Variants in BBS9 observed in about 807,000 individuals in gnomAD.
BBS9 encodes the protein protein PTHB1.
In BBS9, 89 loss-of-function variants were observed where a neutral mutation model predicts 117.7. The observed-to-expected ratio is 0.76, with a 90% CI of 0.64 to 0.90. The LOEUF (loss-of-function observed/expected upper bound fraction) is 0.90. Among genes scored for constraint, BBS9 ranks in the 40% least tolerant of loss-of-function variants. The probability of loss-of-function intolerance (pLI) is 0.00; values close to 1 mark genes in which losing one functional copy is unlikely to be tolerated. For missense variants in BBS9, 982 were observed against 1,042.2 expected (o/e 0.94, Z 0.80); for synonymous variants, 379 against 370.9 (o/e 1.02, Z -0.25).
At chr7:33,532,717 G>A (rs1850776171) in intron 20 of BBS9, among the ~76,000 whole-genome samples, 1 of 152,144 alleles carries the variant, frequency 6.6e-6, no homozygotes, top group Admixed American at 6.5e-5. Flanking sequence ...CATAGTTGAA[G>A]CTTGGGAGTA....
intron 20 of BBS9, among the ~76,000 whole-genome samples, chr7:33,531,734 G>T (rs996353529): frequency 1.8e-4 from 28 of 152,156 alleles, no homozygotes; most frequent in Non-Finnish European, 3.4e-4. Flanking sequence ...GGGCCAATGG[G>T]GTAGACTTTG....
At position 33,542,999 on chromosome 7, in the gene BBS9, A is replaced by G. The variant is rs556427279; in HGVS notation, c.2521+8823A>G. Among the ~76,000 whole-genome samples the G allele has an allele frequency of 4.6e-5, 7 of 152,274 alleles. No homozygotes were observed. The East Asian group carries it at 1.2e-3, about 25-fold the overall frequency. ...CCCAGTAGTGGGATTGCTGGATCAA[A>G]TGGTAGTTCTACTTTTAGTTTTTTA... On this transcript the variant is annotated intron_variant, in intron 21 of 22. Transcript: ENST00000242067.
chr7:33,445,875 C>G (rs1836916201), intron 19 of BBS9, among the ~76,000 whole-genome samples: 1 of 152,152 alleles, frequency 6.6e-6, no homozygotes, highest in Non-Finnish European at 1.5e-5. Flanking sequence ...TTTTGCTTCC[C>G]TTTCACCTTC....
intron 5 of BBS9, among the ~76,000 whole-genome samples, chr7:33,219,893 G>A (rs985601657): frequency 1.3e-5 from 2 of 152,066 alleles, no homozygotes; most frequent in African/African-American, 4.8e-5. Context: ...CACTCTTTGG[G>A]TCCACACTGC....
chr7:33,343,541 C>T (rs1345737149), intron 11 of BBS9, among the ~76,000 whole-genome samples: 1 of 152,150 alleles, frequency 6.6e-6, no homozygotes, highest in East Asian at 1.9e-4. Context: ...CTCTTTCACC[C>T]AGGCTGGAGT....
At chr7:33,414,068 C>A (rs1337144094) in intron 19 of BBS9, among the ~76,000 whole-genome samples, 2 of 151,956 alleles carry the variant, frequency 1.3e-5, no homozygotes, top group East Asian at 1.9e-4. Context: ...AAACAAAAAA[C>A]CAAAAACCAA....
intron 9 of BBS9, among the ~76,000 whole-genome samples, chr7:33,285,045 C>T (rs1401374100): frequency 1.3e-5 from 2 of 152,134 alleles, no homozygotes; most frequent in Non-Finnish European, 2.9e-5. Flanking sequence ...TTATTAATCT[C>T]TGTTCTTTAC....
chr7:33,574,557 T>C (rs1858384161), intron 21 of BBS9, among the ~76,000 whole-genome samples: 1 of 151,976 alleles, frequency 6.6e-6, no homozygotes, highest in Non-Finnish European at 1.5e-5. Context: ...CTCCCTGATG[T>C]CTTTTATTTT....
At position 33,518,538 on chromosome 7, in the gene BBS9, C is replaced by T. The variant is rs554277506; in HGVS notation, c.2298+12893C>T. ...TGCTGGGATTACAGGCGTGAGCCAC[C>T]GCGCCCGGCCTATATTCTTATATTA... On this transcript the variant is annotated intron_variant, in intron 20 of 22. Coordinates refer to ENST00000242067, the MANE Select transcript of BBS9 (RefSeq NM_198428.3). 1.2e-3 allele frequency among the ~76,000 whole-genome samples: 185 copies of T among 152,126 alleles called. 2 individuals carry two copies. The highest frequency in any genetic ancestry group is 4.2e-3 in the African/African-American group (175 of 41,476).
intron 5 of BBS9, among the ~76,000 whole-genome samples, chr7:33,201,345 T>C (rs1263077976): frequency 1.3e-5 from 2 of 152,156 alleles, no homozygotes; most frequent in Non-Finnish European, 2.9e-5. Flanking sequence ...GGTATCTGTT[T>C]ATTTCCATAG....
rs569003952 is a variant in BBS9 at position 33,566,071 on chromosome 7, C to T, written c.2521+31895C>T. 9.3e-5 allele frequency among the ~76,000 whole-genome samples: 14 copies of T among 150,960 alleles called. No homozygotes were observed. In the South Asian group the frequency reaches 2.7e-3, roughly 29 times the overall value. On this transcript the variant is annotated intron_variant, in intron 21 of 22. Transcript: ENST00000242067. The stretch of plus-strand genomic sequence containing the variant: ...ACAAATGTCTATTTAAGTTTCCTTC[C>T]ATTAGACAGATTCTGTTGACTTCTG...
chr7:33,559,477 G>A (rs1015607642), intron 21 of BBS9, among the ~76,000 whole-genome samples: 1 of 152,108 alleles, frequency 6.6e-6, no homozygotes, highest in East Asian at 1.9e-4. Flanking sequence ...CATAGAAGCA[G>A]GATGAGCCAG....
intron 21 of BBS9, among the ~76,000 whole-genome samples, chr7:33,593,470 C>A (rs1251567989): frequency 6.7e-6 from 1 of 150,178 alleles, no homozygotes; most frequent in Admixed American, 6.6e-5. Flanking sequence ...TGTGTCTTTC[C>A]TAGTGCTCTA....
chr7:33,294,335 A>ATCTATCTATCTATCTG (rs1804782401), intron 9 of BBS9, among the ~76,000 whole-genome samples: 3 of 129,198 alleles, frequency 2.3e-5, no homozygotes, highest in African/African-American at 9.1e-5. Context: ...CTATCTATCT[A>ATCTATCTATCTATCTG]TCTATCTATC....
At chr7:33,139,612 C>A (rs1271444946) in intron 1 of BBS9, among the ~76,000 whole-genome samples, 1 of 151,202 alleles carries the variant, frequency 6.6e-6, no homozygotes, top group Non-Finnish European at 1.5e-5. Context: ...TTATCATTGA[C>A]AGAAAAATCT....
At chr7:33,574,727 G>T (rs202052967) in intron 21 of BBS9, among the ~76,000 whole-genome samples, 3 of 88,862 alleles carry the variant, frequency 3.4e-5, no homozygotes, top group South Asian at 3.5e-4. Context: ...ACACACACAC[G>T]CGCACACACA....
At position 33,257,267 on chromosome 7, in the gene BBS9, T is replaced by C. The variant is rs761234217; in HGVS notation, c.474T>C (p.Asp158=). 1.9e-6 allele frequency: 3 copies of C among 1,613,336 alleles called. No homozygotes were observed. The South Asian group carries it at 3.3e-5, about 18-fold the overall frequency. ...GRDLICIQSM[D]GMLMVFEQES... ...ATTTAATTTGCATCCAGTCTATGGA[T>C]GGGATGCTGATGGTATTTGAGCAGG... The change falls in exon 6 of 23, where the codon GAT becomes GAC. Residue 158 remains aspartate, a synonymous_variant. Transcript: ENST00000242067.
At chr7:33,213,065 C>T (rs73688082) in intron 5 of BBS9, among the ~76,000 whole-genome samples, 2,625 of 152,314 alleles carry the variant, frequency 0.017, 64 homozygotes, top group African/African-American at 0.059. Flanking sequence ...TCAGCAGGTG[C>T]TGATGCCAGC....
intron 17 of BBS9, among the ~76,000 whole-genome samples, chr7:33,382,678 A>C (rs919168290): frequency 5.3e-5 from 8 of 152,220 alleles, no homozygotes; most frequent in African/African-American, 1.9e-4. Context: ...GGCTAGTAAC[A>C]CTATTTCTCT....
Sources: gnomAD v4.1 joint callset for allele counts (sites outside exome capture counted in the v4.1 genomes callset) on GRCh38, gnomAD v4.1.1 for gene constraint, MANE v1.5 for transcripts, NCBI Gene and HGNC (gene_info 2026-07-23, HGNC 2026-07-21) for gene names.